The following MYH7B variants were observed in gnomAD, a reference collection of about 807,000 sequenced individuals.
MYH7B encodes myosin-7B.
In MYH7B, 205 loss-of-function variants were observed where a neutral mutation model predicts 234.5. The ratio of observed to expected loss-of-function variants is 0.87; its 90% CI spans 0.78 to 0.98. The LOEUF is 0.98. Ranked by LOEUF, MYH7B falls within the 50% of genes least tolerant of loss-of-function variation. MYH7B has a pLI of 0.00. For synonymous variants in MYH7B, 1,193 were observed against 1,105.0 expected (o/e 1.08, Z -1.58); for missense variants, 2,652 against 2,633.4 (o/e 1.01, Z -0.15).
At chr20:34,977,378 G>A (rs188455343) in intron 3 of MYH7B, among the ~76,000 whole-genome samples, 4 of 151,920 alleles carry the variant, frequency 2.6e-5, no homozygotes, top group African/African-American at 9.7e-5. Flanking sequence ...GTTTCTCCCC[G>A]TGAGCTCTTC....
rs762577893 is a variant in MYH7B at position 34,999,109 on chromosome 20, A to G, written c.4244A>G (p.Asn1415Ser). ...GCAGAGGAGGGCGTGGAGGCTGCCAACGCCAAGTGCTCATCGTTGGAGAAG... is the reference window on the plus strand; with the variant it reads ...GCAGAGGAGGGCGTGGAGGCTGCCAGCGCCAAGTGCTCATCGTTGGAGAAG... The change falls in exon 36 of 45, where the codon AAC (asparagine) becomes AGC (serine). Residue 1415 changes from asparagine to serine, a missense_variant. Asn to Ser is a conservative substitution (Grantham distance 46, BLOSUM62 1). Coordinates refer to ENST00000262873, the Ensembl canonical transcript of MYH7B. 3.1e-6 allele frequency: 5 copies of G among 1,613,248 alleles called. No homozygotes were observed. In the Admixed American group the frequency reaches 6.7e-5, roughly 22 times the overall value.
exon 19 of MYH7B, chr20:34,988,230 G>A: frequency 6.2e-7 from 1 of 1,614,130 alleles, no homozygotes; most frequent in Non-Finnish European, 8.5e-7. Flanking sequence ...CTTCGGCCTT[G>A]ACCTGCAGCC....
At chr20:34,980,718 C>T in exon 8 of MYH7B, 1 of 1,614,126 alleles carries the variant, frequency 6.2e-7, no homozygotes, top group Non-Finnish European at 8.5e-7. Context: ...ACAACGCCTA[C>T]AACGACATGC....
Position 35,002,095 on chromosome 20 carries a change from GGCAGGGGCATTGCTCTCTGT to G in MYH7B, c.5814+18_5814+37del, listed in dbSNP as rs769691055. The G allele has an allele frequency of 5.6e-6, 9 of 1,613,262 alleles. No individual in the cohort carries two copies. The highest frequency in any genetic ancestry group is 6.8e-6 in the Non-Finnish European group (8 of 1,179,894). On this transcript the variant is annotated intron_variant, in intron 44 of 44. Transcript: ENST00000262873. ...CGCCCTGGGCCCCAAGGTGAGGAGT[GGCAGGGGCATTGCTCTCTGT>G]GCAGGGGGACTGTGGGGGCTGACAG...
intron 2 of MYH7B, among the ~76,000 whole-genome samples, chr20:34,959,145 T>C (rs2081668327): frequency 6.6e-6 from 1 of 152,210 alleles, no homozygotes; most frequent in Non-Finnish European, 1.5e-5. Context: ...GGCTATAGAC[T>C]CGTCTGAGAT....
Position 34,996,287 on chromosome 20 carries a change from T to C in MYH7B, c.2944-59T>C, listed in dbSNP as rs1170654502. The C allele has an allele frequency of 3.3e-6, 5 of 1,531,774 alleles. No homozygotes were observed. In the East Asian group the frequency reaches 9.8e-5, roughly 30 times the overall value. 94.9% of individuals were successfully genotyped at this position (1,531,774 alleles called of 1,614,324 possible). A position where few individuals can be genotyped will look rare whatever the true frequency, so the allele number is the denominator to read the frequency against. On this transcript the variant is annotated intron_variant, in intron 28 of 44. Coordinates refer to ENST00000262873, the Ensembl canonical transcript of MYH7B. ...GCACTTGCTCTGACCTGGTGTGGTG[T>C]GGTGGCCGCTCAGAGTGCGGGGAAG...
intron 15 of MYH7B, 31 bp from the exon 16 acceptor site, chr20:34,987,118 C>G: frequency 6.2e-7 from 1 of 1,612,562 alleles, no homozygotes; most frequent in South Asian, 1.1e-5. Context: ...GCCCAGACCT[C>G]TCTGAACTCG....
intron 10 of MYH7B, among the ~76,000 whole-genome samples, chr20:34,984,020 C>T (rs1472959510): frequency 2.0e-5 from 3 of 152,314 alleles, no homozygotes; most frequent in Middle Eastern, 3.4e-3. Flanking sequence ...ACACACAGGA[C>T]CGCTGTGGCG....
At chr20:34,999,896 G>C in exon 38 of MYH7B, 1 of 1,613,410 alleles carries the variant, frequency 6.2e-7, no homozygotes, top group African/African-American at 1.3e-5. Context: ...CGAGGAGTGC[G>C]CTAACCTGAG....
At chr20:34,999,804 T>C in exon 38 of MYH7B, 3 of 1,333,424 alleles carry the variant, frequency 2.2e-6, no homozygotes, top group Non-Finnish European at 3.0e-6. Context: ...GCCCTGGAGC[T>C]GGAGGAGACC....
rs760931240 is a variant in MYH7B at position 35,001,939 on chromosome 20, T to C, written c.5677-9T>C. 3 of 1,610,740 alleles carry C rather than the reference T, an allele frequency of 1.9e-6. No individual in the cohort carries two copies. The highest frequency in any genetic ancestry group is 1.3e-5 in the African/African-American group (1 of 74,870). ...CCAAGCGGAACCAAGGCCCTGTGTGTGCCCCCAGGAGCAGCAGGCCAACAC... is the reference window on the plus strand; with the variant it reads ...CCAAGCGGAACCAAGGCCCTGTGTGCGCCCCCAGGAGCAGCAGGCCAACAC... On this transcript the variant is annotated splice_polypyrimidine_tract_variant and intron_variant, in intron 43 of 44. Coordinates refer to ENST00000262873, the Ensembl canonical transcript of MYH7B.
chr20:34,982,342 G>A (rs1170172974), intron 9 of MYH7B, 117 bp from the exon 10 acceptor site: 2 of 828,658 alleles, frequency 2.4e-6, no homozygotes, highest in African/African-American at 3.4e-5. Flanking sequence ...TCCATCCTTG[G>A]GGGTTTCAAG....
At chr20:34,969,352 A>G (rs1422916870) in intron 2 of MYH7B, among the ~76,000 whole-genome samples, 2 of 152,064 alleles carry the variant, frequency 1.3e-5, no homozygotes, top group Admixed American at 1.3e-4. Context: ...TTAAAGTTCA[A>G]AGGGTTTACA....
At chr20:35,002,119 G>A (rs6142269) in intron 44 of MYH7B, 34 bp downstream of exon 44, 2 of 1,609,798 alleles carry the variant, frequency 1.2e-6, no homozygotes, top group East Asian at 4.5e-5. Flanking sequence ...TCTCTGTGCA[G>A]GGGGACTGTG....
exon 30 of MYH7B, chr20:34,996,707 C>T (rs769655534): frequency 8.1e-6 from 13 of 1,613,510 alleles, no homozygotes; most frequent in South Asian, 5.5e-5. Context: ...ACGCAGGAGT[C>T]GGTGGCTGAT....
At chr20:34,979,684 G>A (rs1303299193) in exon 7 of MYH7B, 1 of 1,614,038 alleles carries the variant, frequency 6.2e-7, no homozygotes, top group African/African-American at 1.3e-5. Context: ...GTGAAGCCGA[G>A]CTGCAGCCCA....
intron 13 of MYH7B, among the ~76,000 whole-genome samples, 198 bp from the exon 14 acceptor site, chr20:34,985,902 C>T (rs1055331190): frequency 5.3e-5 from 8 of 152,292 alleles, no homozygotes; most frequent in African/African-American, 1.9e-4. Context: ...TGGCCAGAGA[C>T]ACAGACACAC....
chr20:34,966,501 A>G (rs1242060635), intron 2 of MYH7B, among the ~76,000 whole-genome samples: 1 of 152,150 alleles, frequency 6.6e-6, no homozygotes, highest in Non-Finnish European at 1.5e-5. Flanking sequence ...GTGTGGTTCT[A>G]TAAGGGCAAC....
chr20:34,980,732 G>A (rs916104652), exon 8 of MYH7B: 2 of 1,613,168 alleles, frequency 1.2e-6, no homozygotes, highest in Admixed American at 1.7e-5. Flanking sequence ...GACATGCTGC[G>A]CAGTAAGGGC....
Sources: allele counts gnomAD v4.1 joint callset (sites outside exome capture counted in the v4.1 genomes callset), GRCh38; gene constraint gnomAD v4.1.1; transcripts MANE v1.5; gene names NCBI Gene and HGNC (gene_info 2026-07-23, HGNC 2026-07-21).